Variants in PTGIS observed in about 807,000 individuals in gnomAD.
The protein encoded by PTGIS is prostacyclin synthase.
PTGIS carries 45 observed loss-of-function variants against 50.3 expected under a neutral mutation model. The observed-to-expected ratio is 0.90, with a 90% CI of 0.70 to 1.15. PTGIS has a LOEUF of 1.15. Among genes scored for constraint, PTGIS ranks in the 50% most tolerant of loss-of-function variants. The pLI, the probability that PTGIS is intolerant of heterozygous loss-of-function variation, is 0.00. For missense variants in PTGIS, 668 were observed against 661.3 expected (o/e 1.01, Z -0.11); for synonymous variants, 260 against 267.7 (o/e 0.97, Z 0.28).
chr20:49,517,774 G>A (rs948854558), intron 6 of PTGIS, among the ~76,000 whole-genome samples: 3 of 152,144 alleles, frequency 2.0e-5, no homozygotes, highest in Non-Finnish European at 2.9e-5. Context: ...GGGGACTTCC[G>A]CTGCCCGCTC....
At chr20:49,555,249 G>C (rs1481654369) in intron 1 of PTGIS, among the ~76,000 whole-genome samples, 2 of 149,994 alleles carry the variant, frequency 1.3e-5, no homozygotes, top group African/African-American at 4.9e-5. Context: ...CTCCAACCTG[G>C]GCGACAAAGT....
At chr20:49,551,806 TTGTGTGTG>T (rs58517059) in intron 1 of PTGIS, among the ~76,000 whole-genome samples, 2,033 of 142,668 alleles carry the variant, frequency 0.014, 20 homozygotes, top group South Asian at 0.021. Flanking sequence ...GTGTATGTGT[TTGTGTGTG>T]TGTGTGTGTG....
chr20:49,542,656 TCAGTCCCCATCATA>T (rs1982259502), intron 4 of PTGIS, among the ~76,000 whole-genome samples: 1 of 152,294 alleles, frequency 6.6e-6, no homozygotes, highest in South Asian at 2.1e-4. Flanking sequence ...TCTCTGGACC[TCAGTCCCCATCATA>T]CAATGCAGGG....
At chr20:49,522,132 G>A (rs1350940630) in intron 6 of PTGIS, among the ~76,000 whole-genome samples, 2 of 151,764 alleles carry the variant, frequency 1.3e-5, no homozygotes, top group East Asian at 1.9e-4. Flanking sequence ...TCGGTCTCAC[G>A]CCCCCTCCCT....
intron 7 of PTGIS, 63 bp downstream of exon 7, chr20:49,514,164 G>T (rs1477224184): frequency 1.3e-6 from 2 of 1,591,414 alleles, no homozygotes; most frequent in Admixed American, 1.7e-5. Flanking sequence ...ATGTTGGGGA[G>T]GGCTTTGGGG....
chr20:49,550,045 CG>C lies in PTGIS; in HGVS notation c.198+20del. Reference sequence around the variant, plus strand: ...CCCAGCTGCTCATCCCCATCCCTCCCGAGGCACAAGAGGCACTTACAGTAAA... The same window carrying C: ...CCCAGCTGCTCATCCCCATCCCTCCCAGGCACAAGAGGCACTTACAGTAAA... On this transcript the variant is annotated intron_variant, in intron 2 of 9. Coordinates refer to ENST00000244043, the MANE Select transcript of PTGIS (RefSeq NM_000961.4). 1.2e-6 allele frequency: 2 copies of C among 1,614,026 alleles called. No individual in the cohort carries two copies. Among genetic ancestry groups the C allele is most frequent in the Non-Finnish European group, 1.7e-6 (2 of 1,179,980 alleles).
chr20:49,537,626 G>C (rs1330321371), intron 5 of PTGIS, among the ~76,000 whole-genome samples: 1 of 152,086 alleles, frequency 6.6e-6, no homozygotes. Flanking sequence ...GTGGTGGTGC[G>C]TGCCTGTAAT....
At chr20:49,541,529 C>T (rs1390206349) in intron 4 of PTGIS, among the ~76,000 whole-genome samples, 2 of 152,012 alleles carry the variant, frequency 1.3e-5, no homozygotes, top group African/African-American at 4.8e-5. Flanking sequence ...GTCAGGAGTT[C>T]GAGACCAGCT....
intron 1 of PTGIS, among the ~76,000 whole-genome samples, chr20:49,561,813 G>A (rs1431135199): frequency 6.6e-6 from 1 of 152,196 alleles, no homozygotes; most frequent in Non-Finnish European, 1.5e-5. Context: ...CCTAGTAGCT[G>A]GGAAGCAGCT....
rs760312948 is a variant in PTGIS, at chr20:49,539,729, C to A, written c.522-8G>T. 4.4e-6 allele frequency: 7 copies of A among 1,609,078 alleles called. No individual in the cohort carries two copies. Among genetic ancestry groups the A allele is most frequent in the Non-Finnish European group, 5.9e-6 (7 of 1,179,458 alleles). ...AGAGTCAGGTAGCCGGCTCTGGGGG[C>A]GGCAGACAGAGGGTCAGGGGTCCTC... On this transcript the variant is annotated splice_polypyrimidine_tract_variant and splice_region_variant and intron_variant, in intron 4 of 9. Transcript: ENST00000244043.
chr20:49,567,986 G>A lies in PTGIS; in HGVS notation c.74+57C>T, dbSNP rs1157101896. 3 of 1,430,576 alleles carry A rather than the reference G, an allele frequency of 2.1e-6. No homozygotes were observed. The African/African-American group carries it at 4.5e-5, about 21-fold the overall frequency. 88.6% of individuals were successfully genotyped at this position (1,430,576 alleles called of 1,614,324 possible). On this transcript the variant is annotated intron_variant, in intron 1 of 9. Coordinates refer to ENST00000244043, the MANE Select transcript of PTGIS (RefSeq NM_000961.4). ...CGGGCTCCGAGACCCTTGGGCTGCA[G>A]CCCGGGCGGGAGCCGCCCCCTTTGT... is the stretch of plus-strand genomic sequence containing the variant.
chr20:49,507,815 T>C lies in PTGIS; in HGVS notation c.*105A>G. On this transcript the variant is annotated 3_prime_UTR_variant, in exon 10 of 10. Transcript: ENST00000244043. ...GAGAAAAGCAGGGAAGTGGTAATGC[T>C]AGCACCTGCACCCGGGCCAACTGTG... The C allele has an allele frequency of 6.7e-7, 1 of 1,486,766 alleles. No individual in the cohort carries two copies. The highest frequency in any genetic ancestry group is 9.2e-7 in the Non-Finnish European group (1 of 1,089,256). The allele number at this position is 1,486,766 out of a possible 1,614,324, so 92.1% of individuals were successfully genotyped here.
At chr20:49,513,625 C>A (rs1171453921) in intron 7 of PTGIS, among the ~76,000 whole-genome samples, 2 of 152,152 alleles carry the variant, frequency 1.3e-5, no homozygotes, top group Non-Finnish European at 2.9e-5. Flanking sequence ...GGGTCCACCC[C>A]TCTCTCATTC....
intron 1 of PTGIS, among the ~76,000 whole-genome samples, chr20:49,566,835 G>C (rs1982911257): frequency 6.6e-6 from 1 of 152,148 alleles, no homozygotes; most frequent in Admixed American, 6.5e-5. Flanking sequence ...GACAGTAATG[G>C]GAAACTGGAT....
chr20:49,565,649 G>C (rs895979098), intron 1 of PTGIS, among the ~76,000 whole-genome samples: 6 of 151,800 alleles, frequency 4.0e-5, no homozygotes, highest in Non-Finnish European at 7.4e-5. Context: ...GGGCCACAGT[G>C]TGAGATCCTA....
At chr20:49,539,794 T>C in intron 4 of PTGIS, 73 bp from the exon 5 acceptor site, 1 of 1,535,946 alleles carries the variant, frequency 6.5e-7, no homozygotes. Context: ...TCACAAGAGC[T>C]TCATTCATAC....
At chr20:49,523,030 T>A (rs1981693522) in intron 6 of PTGIS, among the ~76,000 whole-genome samples, 1 of 151,538 alleles carries the variant, frequency 6.6e-6, no homozygotes, top group South Asian at 2.1e-4. Context: ...CTCAAAAAAA[T>A]AAAAAAATTA....
rs887532970 is a variant in PTGIS at position 49,520,741 on chromosome 20, A to G, written c.855+3317T>C. On this transcript the variant is annotated intron_variant, in intron 6 of 9. Transcript: ENST00000244043. ...GAGTGCAGTGGCACAATCATGGCTCATTGCAGCCTTGACCTCCTAGGCTCA... is the reference window on the plus strand; with the variant it reads ...GAGTGCAGTGGCACAATCATGGCTCGTTGCAGCCTTGACCTCCTAGGCTCA... Among the ~76,000 whole-genome samples, 3 of 152,284 alleles carry G rather than the reference A, an allele frequency of 2.0e-5. No homozygotes were observed. In the East Asian group the frequency reaches 5.8e-4, roughly 29 times the overall value.
intron 4 of PTGIS, among the ~76,000 whole-genome samples, chr20:49,541,737 A>AATAAG (rs1215605077): frequency 6.6e-6 from 1 of 152,186 alleles, no homozygotes; most frequent in African/African-American, 2.4e-5. Context: ...TTGTCTTTAA[A>AATAAG]ATAAAATAAA....
Sources: gnomAD v4.1 joint callset for allele counts (sites outside exome capture counted in the v4.1 genomes callset) on GRCh38, gnomAD v4.1.1 for gene constraint, MANE v1.5 for transcripts, NCBI Gene and HGNC (gene_info 2026-07-23, HGNC 2026-07-21) for gene names.